Variants in UBASH3B observed in about 807,000 individuals in gnomAD.
UBASH3B encodes the protein ubiquitin-associated and SH3 domain-containing protein B.
A neutral mutation model predicts 83.4 loss-of-function variants in UBASH3B; 37 were observed. The observed-to-expected ratio is 0.44, with a 90% CI of 0.34 to 0.58. UBASH3B has a LOEUF of 0.58. Among genes scored for constraint, UBASH3B ranks in the 20% least tolerant of loss-of-function variants. The probability of loss-of-function intolerance (pLI) is 0.01; values close to 1 mark genes in which losing one functional copy is unlikely to be tolerated. For synonymous variants in UBASH3B, 304 were observed against 318.3 expected (o/e 0.96, Z 0.48); for missense variants, 657 against 827.2 (o/e 0.79, Z 2.52).
At chr11:122,802,651 C>A (rs1225640948) in intron 11 of UBASH3B, among the ~76,000 whole-genome samples, 3 of 152,144 alleles carry the variant, frequency 2.0e-5, no homozygotes, top group Admixed American at 6.5e-5. Context: ...ACCCCATTAA[C>A]TAGTTATGTG....
chr11:122,781,386 A>C (rs1224985764), intron 4 of UBASH3B, among the ~76,000 whole-genome samples: 2 of 152,188 alleles, frequency 1.3e-5, no homozygotes, highest in Non-Finnish European at 2.9e-5. Context: ...CAAGGACCAA[A>C]ACTAATGTCA....
At chr11:122,794,635 A>C in intron 6 of UBASH3B, 67 bp from the exon 7 acceptor site, 2 of 1,597,316 alleles carry the variant, frequency 1.3e-6, no homozygotes, top group Non-Finnish European at 8.6e-7. Flanking sequence ...ACTCCTGTTG[A>C]GCCCAGGAGG....
intron 1 of UBASH3B, among the ~76,000 whole-genome samples, chr11:122,740,850 T>C (rs1861012261): frequency 6.6e-6 from 1 of 152,208 alleles, no homozygotes; most frequent in African/African-American, 2.4e-5. Flanking sequence ...AAAAATTCAC[T>C]ATATTACTTT....
chr11:122,796,331 G>A lies in UBASH3B; in HGVS notation c.1234+55G>A, dbSNP rs1040546530. The A allele has an allele frequency of 2.9e-5, 47 of 1,595,962 alleles. No individual in the cohort carries two copies. The African/African-American group carries it at 3.5e-4, about 12-fold the overall frequency. On this transcript the variant is annotated intron_variant, in intron 8 of 13. Transcript: ENST00000284273. ...GCCATACCCATAGTGGCCTCTAGGC[G>A]GCACAGTCAAGCTACAGTTATCTAG... is the stretch of plus-strand genomic sequence containing the variant.
At chr11:122,690,248 ATATCCAATTATATATATATATATC>A (rs1435549193) in intron 1 of UBASH3B, among the ~76,000 whole-genome samples, 4 of 137,398 alleles carry the variant, frequency 2.9e-5, no homozygotes, top group Admixed American at 2.3e-4. Flanking sequence ...ATATATATAT[ATATCCAATTATATATATATATATC>A]TCCAATTATA....
chr11:122,697,411 G>A (rs925379904), intron 1 of UBASH3B, among the ~76,000 whole-genome samples: 3 of 152,150 alleles, frequency 2.0e-5, no homozygotes, highest in Non-Finnish European at 2.9e-5. Flanking sequence ...TCCAGCATGG[G>A]CTACAAGAGC....
rs377598628 is a variant in UBASH3B at position 122,772,220 on chromosome 11, C to T, written c.162-3999C>T. Among the ~76,000 whole-genome samples, 25 of 152,306 alleles carry T rather than the reference C, an allele frequency of 1.6e-4. No homozygotes were observed. The East Asian group carries it at 3.1e-3, about 19-fold the overall frequency. Reference sequence around the variant, plus strand: ...CTCCCCACTACGGAGGTGGGCCCACCGTGAGCTCTCTTGACACCCTGCACG... The same window carrying T: ...CTCCCCACTACGGAGGTGGGCCCACTGTGAGCTCTCTTGACACCCTGCACG... On this transcript the variant is annotated intron_variant, in intron 1 of 13. Transcript: ENST00000284273.
At chr11:122,733,937 GT>G (rs1860889466) in intron 1 of UBASH3B, among the ~76,000 whole-genome samples, 1 of 152,022 alleles carries the variant, frequency 6.6e-6, no homozygotes, top group Non-Finnish European at 1.5e-5. Flanking sequence ...CCAGGCTGGA[GT>G]GCAGTGGCAT....
At chr11:122,747,866 G>A (rs1400557910) in intron 1 of UBASH3B, among the ~76,000 whole-genome samples, 1 of 152,164 alleles carries the variant, frequency 6.6e-6, no homozygotes, top group Non-Finnish European at 1.5e-5. Context: ...TCCCTTGAGT[G>A]AGCTATTTAA....
At chr11:122,666,631 CTG>C (rs966966293) in intron 1 of UBASH3B, among the ~76,000 whole-genome samples, 1 of 152,202 alleles carries the variant, frequency 6.6e-6, no homozygotes, top group African/African-American at 2.4e-5. Flanking sequence ...GTTTGCCAGG[CTG>C]GTCTCGATCT....
At chr11:122,752,709 T>C (rs1460317783) in intron 1 of UBASH3B, among the ~76,000 whole-genome samples, 1 of 152,112 alleles carries the variant, frequency 6.6e-6, no homozygotes, top group Admixed American at 6.5e-5. Context: ...TGAAGTATGA[T>C]CCCAAGGCAG....
chr11:122,764,038 ACT>A (rs965782665), intron 1 of UBASH3B, among the ~76,000 whole-genome samples: 1 of 152,076 alleles, frequency 6.6e-6, no homozygotes, highest in African/African-American at 2.4e-5. Context: ...AGAGTGACCA[ACT>A]CTATCGGGTA....
intron 1 of UBASH3B, among the ~76,000 whole-genome samples, chr11:122,735,014 T>A (rs1046703832): frequency 6.6e-5 from 10 of 152,186 alleles, no homozygotes; most frequent in African/African-American, 2.4e-4. Context: ...GGAGTGAACT[T>A]TTCCCCTTTT....
At chr11:122,732,804 ATCC>A (rs1860864483) in intron 1 of UBASH3B, among the ~76,000 whole-genome samples, 1 of 152,212 alleles carries the variant, frequency 6.6e-6, no homozygotes, top group Non-Finnish European at 1.5e-5. Context: ...GGAATTTCCC[ATCC>A]TCATTCAAAG....
intron 1 of UBASH3B, among the ~76,000 whole-genome samples, chr11:122,666,896 G>C (rs1863527095): frequency 6.6e-6 from 1 of 151,288 alleles, no homozygotes; most frequent in Non-Finnish European, 1.5e-5. Context: ...CATCTCTTCT[G>C]CCACAAGTCT....
intron 1 of UBASH3B, chr11:122,709,538 A>T (rs969096168): frequency 6.6e-6 from 1 of 152,300 alleles, no homozygotes; most frequent in East Asian, 1.9e-4. Context: ...TGTTGGAGTG[A>T]TTAGAGATTC....
At position 122,758,523 on chromosome 11, in the gene UBASH3B, G is replaced by A. The variant is rs570906532; in HGVS notation, c.162-17696G>A. On this transcript the variant is annotated intron_variant, in intron 1 of 13. Transcript: ENST00000284273. The surrounding 1 kb of genome is among the most constrained non-coding windows in gnomAD (Gnocchi z 4.2). ...GGAAAGGGCAGTCAGTGGTGGGGGCGGAGGGGGCACCCAGTGGCCGTAGAA... is the reference window on the plus strand; with the variant it reads ...GGAAAGGGCAGTCAGTGGTGGGGGCAGAGGGGGCACCCAGTGGCCGTAGAA... 6.6e-6 allele frequency among the ~76,000 whole-genome samples: 1 copy of A among 152,310 alleles called. No individual in the cohort carries two copies. Among genetic ancestry groups the A allele is most frequent in the East Asian group, 1.9e-4 (1 of 5,184 alleles).
In UBASH3B at chr11:122,777,274, A is replaced by G. The variant is rs916677807; in HGVS notation, c.402+64A>G. On this transcript the variant is annotated intron_variant, in intron 3 of 13. Coordinates refer to ENST00000284273, the MANE Select transcript of UBASH3B (RefSeq NM_032873.5). ...CTAGGATCCCAGCCGGCCCTTTGGG[A>G]CCTGGAGCAAAGGGAGGCCTCGCAG... 1.3e-5 allele frequency: 19 copies of G among 1,518,866 alleles called. No individual in the cohort carries two copies. The African/African-American group carries it at 2.2e-4, about 18-fold the overall frequency. 94.1% of individuals were successfully genotyped at this position (1,518,866 alleles called of 1,614,324 possible). A position where few individuals can be genotyped will look rare whatever the true frequency, so the allele number is the denominator to read the frequency against.
At chr11:122,732,168 G>A (rs1427466516) in intron 1 of UBASH3B, among the ~76,000 whole-genome samples, 1 of 152,082 alleles carries the variant, frequency 6.6e-6, no homozygotes. Context: ...ACATCTTCTT[G>A]GGGTACCCAT....
Sources: gnomAD v4.1 joint callset for allele counts (sites outside exome capture counted in the v4.1 genomes callset) on GRCh38, gnomAD v4.1.1 for gene constraint, Gnocchi (gnomAD v3.1) non-coding constraint, MANE v1.5 for transcripts, NCBI Gene and HGNC (gene_info 2026-07-23, HGNC 2026-07-21) for gene names.